DCAF8L1: variants seen among roughly 807,000 people sequenced by gnomAD.
The protein encoded by DCAF8L1 is DDB1- and CUL4-associated factor 8-like protein 1.
For missense variants in DCAF8L1, 434 were observed against 481.6 expected (o/e 0.90, Z 0.92); for synonymous variants, 217 against 186.8 (o/e 1.16, Z -1.32).
At position 27,979,276 on chromosome X, in the gene DCAF8L1, A is replaced by G. The variant is rs1926586557; in HGVS notation, c.*256T>C. ...AAAAAACTAAAAAGTAATAGCTTTC[A>G]GAATGTCTGAAATGAGTAGATACAT... On this transcript the variant is annotated 3_prime_UTR_variant, in exon 1 of 1. Transcript: ENST00000441525. 9.1e-6 allele frequency: 3 copies of G among 329,740 alleles called. No individual in the cohort carries two copies. The highest frequency in any genetic ancestry group is 1.5e-5 in the Non-Finnish European group (3 of 194,613). 27.2% of individuals were successfully genotyped at this position (329,740 alleles called of 1,213,427 possible).
Position 27,980,330 on chromosome X carries a change from G to C in DCAF8L1, c.1005C>G (p.Val335=), listed in dbSNP as rs774251829. 2.6e-5 allele frequency: 32 copies of C among 1,210,093 alleles called. No homozygotes were observed. The highest frequency in any genetic ancestry group is 8.7e-5 in the Admixed American group (4 of 45,778). ...VVVTRENDKK[V]GLYTISMNPA... is the part of the protein sequence containing the mutation. Reference sequence around the variant, plus strand: ...GATTCATAGAGATTGTATACAGTCCGACTTTCTTATCATTTTCTCTTGTTA... The same window carrying C: ...GATTCATAGAGATTGTATACAGTCCCACTTTCTTATCATTTTCTCTTGTTA... The change falls in exon 1 of 1, where the codon GTC becomes GTG. Residue 335 remains valine, a synonymous_variant. Transcript: ENST00000441525.
chrX:27,980,410 C>T lies in DCAF8L1; in HGVS notation c.925G>A (p.Ala309Thr), dbSNP rs1042366741. 2 of 1,210,733 alleles carry T rather than the reference C, an allele frequency of 1.7e-6. No homozygotes were observed. Among genetic ancestry groups the T allele is most frequent in the African/African-American group, 3.5e-5 (2 of 57,406 alleles). The change falls in exon 1 of 1, where the codon GCC (alanine) becomes ACC (threonine). Residue 309 changes from alanine to threonine, a missense_variant. By Grantham distance (58) the Ala-to-Thr change is moderately conservative. Transcript: ENST00000441525. ...CTGAGGTCAATGGTGAACACAACGG[C>T]ATCTTCACCTGAAGTGAGGAACTTA... ...PYKFLTSGED[A>T]VVFTIDLRQD...
Position 27,980,816 on chromosome X carries a change from T to A in DCAF8L1, c.519A>T (p.Val173=), listed in dbSNP as rs771785342. The change falls in exon 1 of 1, where the codon GTA becomes GTT. Residue 173 remains valine (V), a synonymous_variant. Transcript: ENST00000441525. ...AGGTTCTTGCCCCACAGGCCTCATA[T>A]ACAAAGCGGGCACTTGAACCCAGCT... ...QRQLGSSARF[V]YEACGARTFV... is the part of the protein sequence containing the mutation. 1 of 1,210,230 alleles carries A rather than the reference T, an allele frequency of 8.3e-7. No individual in the cohort carries two copies. The highest frequency in any genetic ancestry group is 2.2e-5 in the Admixed American group (1 of 45,939).
Position 27,978,720 on chromosome X carries a change from T to A in DCAF8L1, c.*812A>T. 1 of 370,113 alleles carries A rather than the reference T, an allele frequency of 2.7e-6. No individual in the cohort carries two copies. Among genetic ancestry groups the A allele is most frequent in the Non-Finnish European group, 4.6e-6 (1 of 215,158 alleles). 30.5% of individuals were successfully genotyped at this position (370,113 alleles called of 1,213,427 possible). ...ATTTGCTCTGAGGAGATGAATTATC[T>A]GGTTAGGAATTCATCTACACACTAC... On this transcript the variant is annotated 3_prime_UTR_variant, in exon 1 of 1. Transcript: ENST00000441525.
chrX:27,981,194 C>T lies in DCAF8L1; in HGVS notation c.141G>A (p.Ser47=), dbSNP rs760112871. The part of the protein sequence containing the change: ...SDIEMAATEP[S]TGDGGDTRDG... ...CCCTGGTATCACCACCATCTCCGGT[C>T]GATGGCTCTGTGGCTGCCATTTCAA... is the stretch of plus-strand genomic sequence containing the variant. The change falls in exon 1 of 1, where the codon TCG becomes TCA. Residue 47 remains serine, a synonymous_variant. Transcript: ENST00000441525. 9.9e-6 allele frequency: 12 copies of T among 1,209,842 alleles called. No homozygotes were observed. Among genetic ancestry groups the T allele is most frequent in the African/African-American group, 3.5e-5 (2 of 57,089 alleles).
rs62590483 is a variant in DCAF8L1 at position 27,978,407 on chromosome X, C to T, written c.*1125G>A. On this transcript the variant is annotated 3_prime_UTR_variant, in exon 1 of 1. Coordinates refer to ENST00000441525, the MANE Select transcript of DCAF8L1 (RefSeq NM_001017930.2). ...TCAAATGGTTATGTGTAAGTATAAA[C>T]AATTTTTATTGCAACTTATTCTTAA... The T allele has an allele frequency of 0.013, 1,413 of 112,662 alleles. 14 individuals carry two copies. Among genetic ancestry groups the T allele is most frequent in the Non-Finnish European group, 0.019 (1,036 of 53,481 alleles). The allele number at this position is 112,662 out of a possible 1,213,427, so 9.3% of individuals were successfully genotyped here.
rs1297381003 is a variant in DCAF8L1 at position 27,980,009 on chromosome X, A to T, written c.1326T>A (p.Cys442Ter). ...KGHRNNDTIK[C>*]VNFYGPRSEF... is the part of the protein sequence containing the mutation. ...CACTCCGGGGGCCATAGAAATTAAC[A>T]CATTTGATTGTGTCATTATTTCTGT... The change falls in exon 1 of 1, where the codon TGT becomes TGA. Residue 442 changes from cysteine (C) to a stop codon, truncating the protein, a stop_gained. Transcript: ENST00000441525. LOFTEE classifies it low-confidence loss of function (END_TRUNC). 8.3e-7 allele frequency: 1 copy of T among 1,211,308 alleles called. No individual in the cohort carries two copies. The highest frequency in any genetic ancestry group is 1.8e-5 in the South Asian group (1 of 56,917).
chrX:27,980,146 C>A lies in DCAF8L1; in HGVS notation c.1189G>T (p.Val397Leu), dbSNP rs746882738. The change falls in exon 1 of 1, where the codon GTG becomes TTG. Residue 397 changes from valine to leucine, a missense_variant. Coordinates refer to ENST00000441525, the MANE Select transcript of DCAF8L1 (RefSeq NM_001017930.2). ...AGCTCTGTGCCATCGTGGCTGTACA[C>A]AACGCAGGTGATGTTTGTTGGGAAA... is the stretch of plus-strand genomic sequence containing the variant. ...CDFPTNITCV[V>L]YSHDGTELLA... is the part of the protein sequence containing the mutation. The A allele has an allele frequency of 5.0e-6, 6 of 1,209,875 alleles. No individual in the cohort carries two copies. The Admixed American group carries it at 1.1e-4, about 22-fold the overall frequency.
Position 27,980,827 on chromosome X carries a change from C to G in DCAF8L1, c.508G>C (p.Ala170Pro), listed in dbSNP as rs768214773. 9.1e-6 allele frequency: 11 copies of G among 1,209,133 alleles called. No individual in the cohort carries two copies. The highest frequency in any genetic ancestry group is 1.2e-5 in the Non-Finnish European group (11 of 894,539). Residue 170 changes from alanine (A) to proline (P), a missense_variant, in exon 1 of 1, where the codon GCC (alanine) becomes CCC (proline). Transcript: ENST00000441525. ...CCACAGGCCTCATATACAAAGCGGGCACTTGAACCCAGCTGCCGCTGGCGA... is the reference window on the plus strand; with the variant it reads ...CCACAGGCCTCATATACAAAGCGGGGACTTGAACCCAGCTGCCGCTGGCGA... ...ALRQRQLGSS[A>P]RFVYEACGAR...
In DCAF8L1 at chrX:27,981,418, G is replaced by A. The variant is rs1288764209; in HGVS notation, c.-84C>T. 5 of 1,124,950 alleles carry A rather than the reference G, an allele frequency of 4.4e-6. No individual in the cohort carries two copies. The South Asian group carries it at 8.6e-5, about 19-fold the overall frequency. 92.7% of individuals were successfully genotyped at this position (1,124,950 alleles called of 1,213,427 possible). On this transcript the variant is annotated 5_prime_UTR_variant, in exon 1 of 1. Coordinates refer to ENST00000441525, the MANE Select transcript of DCAF8L1 (RefSeq NM_001017930.2). ...AGGGAAGAGAGCACGCCTGCCCCGA[G>A]GACGGACGGTCGGAGAAGGCAGTAG...
Position 27,980,807 on chromosome X carries a change from G to A in DCAF8L1, c.528C>T (p.Ala176=), listed in dbSNP as rs377286036. The A allele has an allele frequency of 2.5e-6, 3 of 1,210,135 alleles. No homozygotes were observed. The highest frequency in any genetic ancestry group is 3.5e-5 in the South Asian group (2 of 56,619). Residue 176 remains alanine, a synonymous_variant, in exon 1 of 1, where the codon GCC becomes GCT. Coordinates refer to ENST00000441525, the MANE Select transcript of DCAF8L1 (RefSeq NM_001017930.2). ...LGSSARFVYE[A]CGARTFVQRF... is the part of the protein sequence containing the mutation. ...GCTGCACAAAGGTTCTTGCCCCACA[G>A]GCCTCATATACAAAGCGGGCACTTG...
In DCAF8L1 at chrX:27,980,142, T is replaced by G. The variant is rs779981615; in HGVS notation, c.1193A>C (p.Tyr398Ser). The change falls in exon 1 of 1, where the codon TAC becomes TCC. Residue 398 changes from tyrosine (Y) to serine (S), a missense_variant. Coordinates refer to ENST00000441525, the MANE Select transcript of DCAF8L1 (RefSeq NM_001017930.2). Reference protein sequence around the residue: ...DFPTNITCVVYSHDGTELLAS... With the variant: ...DFPTNITCVVSSHDGTELLAS... ...CAGGAGCTCTGTGCCATCGTGGCTG[T>G]ACACAACGCAGGTGATGTTTGTTGG... The G allele has an allele frequency of 2.5e-6, 3 of 1,212,006 alleles. No homozygotes were observed. In the Admixed American group the frequency reaches 6.5e-5, roughly 26 times the overall value.
chrX:27,981,104 T>C lies in DCAF8L1; in HGVS notation c.231A>G (p.Glu77=). 8.3e-7 allele frequency: 1 copy of C among 1,212,080 alleles called. No homozygotes were observed. Among genetic ancestry groups the C allele is most frequent in the African/African-American group, 1.7e-5 (1 of 57,863 alleles). The stretch of plus-strand genomic sequence containing the variant: ...CACCCATGCTTTCAAGTTCGACGTC[T>C]TCACTTGAACTTTCTGAGTCTGTGT... ...NQNTDSESSS[E]DVELESMGEG... The change falls in exon 1 of 1, where the codon GAA becomes GAG. Residue 77 remains glutamate (E), a synonymous_variant. Coordinates refer to ENST00000441525, the MANE Select transcript of DCAF8L1 (RefSeq NM_001017930.2).
chrX:27,981,001 CCCCT>C lies in DCAF8L1; in HGVS notation c.330_333del (p.Gly111ArgfsTer22), dbSNP rs1397856654. On this transcript the variant is annotated frameshift_variant, in exon 1 of 1. Transcript: ENST00000441525. LOFTEE classifies it low-confidence loss of function (END_TRUNC). ...CACATCCGAGGCTGTTCTTCCTCCT[CCCCT>C]TCCTCCTCCATCTCTTCTTCTTCCT... is the stretch of plus-strand genomic sequence containing the variant. 1.3e-5 allele frequency: 16 copies of C among 1,210,218 alleles called. No individual in the cohort carries two copies. The highest frequency in any genetic ancestry group is 1.8e-5 in the Non-Finnish European group (16 of 895,194).
In DCAF8L1 at chrX:27,979,587, G is replaced by C; in HGVS notation, c.1748C>G (p.Thr583Ser). Residue 583 changes from threonine (T) to serine (S), a missense_variant, in exon 1 of 1, where the codon ACC becomes AGC. Transcript: ENST00000441525. ...DEEELDESSS[T>S]SDTSEEEGQD... ...GCCCTCCTCCTCGGATGTATCTGAG[G>C]TGCTGGAAGACTCATCCAACTCTTC... 2.5e-6 allele frequency: 3 copies of C among 1,211,344 alleles called. No individual in the cohort carries two copies. Among genetic ancestry groups the C allele is most frequent in the Non-Finnish European group, 2.2e-6 (2 of 895,235 alleles).
chrX:27,980,970 C>T lies in DCAF8L1; in HGVS notation c.365G>A (p.Arg122Gln), dbSNP rs763337544. ...CTGATCATGGTTGGTGCCACCGCATCGTGGACACATCCGAGGCTGTTCTTC... is the reference window on the plus strand; with the variant it reads ...CTGATCATGGTTGGTGCCACCGCATTGTGGACACATCCGAGGCTGTTCTTC... ...EEEEQPRMCPRCGGTNHDQCL... is the reference protein window; with the variant it reads ...EEEEQPRMCPQCGGTNHDQCL... Residue 122 changes from arginine to glutamine, a missense_variant, in exon 1 of 1, where the codon CGA becomes CAA. Arg to Gln is a conservative substitution (Grantham distance 43). Transcript: ENST00000441525. 5.8e-6 allele frequency: 7 copies of T among 1,211,973 alleles called. No homozygotes were observed. The highest frequency in any genetic ancestry group is 7.8e-6 in the Non-Finnish European group (7 of 895,528).
In DCAF8L1 at chrX:27,981,113, A is replaced by C; in HGVS notation, c.222T>G (p.Ser74Arg). 1 of 1,211,221 alleles carries C rather than the reference A, an allele frequency of 8.3e-7. No homozygotes were observed. ...TTTCAAGTTCGACGTCTTCACTTGA[A>C]CTTTCTGAGTCTGTGTTTTGATTTT... ...STENQNTDSE[S>R]SSEDVELESM... The change falls in exon 1 of 1, where the codon AGT becomes AGG. Residue 74 changes from serine to arginine, a missense_variant. Coordinates refer to ENST00000441525, the MANE Select transcript of DCAF8L1 (RefSeq NM_001017930.2).
chrX:27,981,276 A>G lies in DCAF8L1; in HGVS notation c.59T>C (p.Phe20Ser), dbSNP rs776215046. The G allele has an allele frequency of 9.1e-6, 11 of 1,210,420 alleles. No individual in the cohort carries two copies. The highest frequency in any genetic ancestry group is 1.2e-5 in the Non-Finnish European group (11 of 895,262). Residue 20 changes from phenylalanine to serine, a missense_variant, in exon 1 of 1, where the codon TTC becomes TCC. Phe to Ser is a radical substitution (Grantham distance 155, BLOSUM62 -2). Coordinates refer to ENST00000441525, the MANE Select transcript of DCAF8L1 (RefSeq NM_001017930.2). Reference protein sequence around the residue: ...GLPDLVTESLFSSPEEQSGVA... With the variant: ...GLPDLVTESLSSSPEEQSGVA... ...TCCAGACTGCTCCTCTGGGCTGCTG[A>G]ACAGGCTTTCAGTCACTAAGTCTGG... is the stretch of plus-strand genomic sequence containing the variant.
Position 27,980,539 on chromosome X carries a change from G to A in DCAF8L1, c.796C>T (p.Arg266Trp). Reference protein sequence around the residue: ...LAMCGHDGQVRVAELINASYC... With the variant: ...LAMCGHDGQVWVAELINASYC... ...GATGCATTAATTAGTTCTGCTACCC[G>A]TACCTGTCCATCATGGCCACACATG... The change falls in exon 1 of 1, where the codon CGG becomes TGG. Residue 266 changes from arginine (R) to tryptophan (W), a missense_variant. Transcript: ENST00000441525. 1.7e-6 allele frequency: 2 copies of A among 1,211,953 alleles called. No homozygotes were observed. The highest frequency in any genetic ancestry group is 3.0e-5 in the East Asian group (1 of 33,804).
Sources: gnomAD v4.1 joint callset for allele counts on GRCh38, gnomAD v4.1.1 for gene constraint, MANE v1.5 for transcripts, NCBI Gene and HGNC (gene_info 2026-07-23, HGNC 2026-07-21) for gene names.